The following CACNB2 variants were observed in gnomAD, a reference collection of about 807,000 sequenced individuals.
CACNB2 encodes voltage-dependent L-type calcium channel subunit beta-2.
Under a neutral mutation model 73.3 loss-of-function variants are expected in CACNB2, and 42 were observed. The observed-to-expected ratio is 0.57, with a 90% CI of 0.45 to 0.74. CACNB2 has a LOEUF of 0.74. Among genes scored for constraint, CACNB2 ranks in the 30% least tolerant of loss-of-function variants. CACNB2 has a pLI of 0.00. For missense variants in CACNB2, 940 were observed against 853.0 expected (o/e 1.10, Z -1.27); for synonymous variants, 348 against 310.3 (o/e 1.12, Z -1.28).
chr10:18,528,451 T>G (rs1025636032), intron 10 of CACNB2, among the ~76,000 whole-genome samples: 21 of 152,176 alleles, frequency 1.4e-4, no homozygotes, highest in African/African-American at 4.8e-4. Context: ...AGGTTTCTGT[T>G]TTTATAAAGT....
At chr10:18,153,302 G>T (rs548927747) in intron 2 of CACNB2, among the ~76,000 whole-genome samples, 2 of 152,074 alleles carry the variant, frequency 1.3e-5, no homozygotes, top group Non-Finnish European at 2.9e-5. Context: ...TTACACAGGC[G>T]TATCATTGAA....
chr10:18,369,615 G>A (rs2042493545), intron 2 of CACNB2, among the ~76,000 whole-genome samples: 1 of 152,078 alleles, frequency 6.6e-6, no homozygotes, highest in South Asian at 2.1e-4. Context: ...GTGGACAAAA[G>A]GGATAAGAGG....
chr10:18,344,080 A>G (rs1015102812), intron 2 of CACNB2, among the ~76,000 whole-genome samples: 9 of 151,988 alleles, frequency 5.9e-5, no homozygotes, highest in East Asian at 5.8e-4. Flanking sequence ...AAAAAAAAAA[A>G]AAAGAAAGTT....
chr10:18,180,292 A>G (rs1307882592), intron 2 of CACNB2, among the ~76,000 whole-genome samples: 1 of 152,114 alleles, frequency 6.6e-6, no homozygotes, highest in Non-Finnish European at 1.5e-5. Context: ...AGAGCCTGTG[A>G]TGGGGCCATC....
chr10:18,261,254 G>C (rs1309284175), intron 2 of CACNB2: 3 of 1,551,058 alleles, frequency 1.9e-6, no homozygotes, highest in Non-Finnish European at 2.6e-6. Flanking sequence ...CGCTGACTGC[G>C]TTCTGCCCCC....
intron 2 of CACNB2, among the ~76,000 whole-genome samples, chr10:18,267,409 C>G (rs1338790120): frequency 6.6e-6 from 1 of 152,056 alleles, no homozygotes; most frequent in Non-Finnish European, 1.5e-5. Flanking sequence ...ATTTCAAGAC[C>G]AGCCTGGCCA....
At chr10:18,388,321 T>C (rs528780240) in intron 2 of CACNB2, among the ~76,000 whole-genome samples, 1 of 152,330 alleles carries the variant, frequency 6.6e-6, no homozygotes, top group South Asian at 2.1e-4. Context: ...ATATTATATA[T>C]CTGTGGCACA....
intron 2 of CACNB2, among the ~76,000 whole-genome samples, chr10:18,245,329 T>C (rs1479529999): frequency 6.6e-6 from 1 of 152,014 alleles, no homozygotes; most frequent in South Asian, 2.1e-4. Context: ...ATTTTTTTGT[T>C]CTTATTCGAG....
intron 3 of CACNB2, among the ~76,000 whole-genome samples, chr10:18,474,528 C>T (rs1373741361): frequency 1.3e-5 from 2 of 152,140 alleles, no homozygotes. Flanking sequence ...GCCAATTCCC[C>T]AACTGTTTTC....
Position 18,539,506 on chromosome 10 carries a change from A to G in CACNB2, c.1765A>G (p.Asn589Asp). Residue 589 changes from asparagine to aspartate, a missense_variant, in exon 14 of 14, where the codon AAC becomes GAC. By Grantham distance (23) the Asn-to-Asp change is conservative. Transcript: ENST00000324631. ...CCACTATGCCTCACACCGTGACCAC[A>G]ACCACAGAGACGAGACCCACGGGAG... is the stretch of plus-strand genomic sequence containing the variant. ...VDHYASHRDH[N>D]HRDETHGSSD... 6.2e-7 allele frequency: 1 copy of G among 1,614,022 alleles called. No homozygotes were observed. The highest frequency in any genetic ancestry group is 2.2e-5 in the East Asian group (1 of 44,852).
At position 18,343,283 on chromosome 10, in the gene CACNB2, A is replaced by G. The variant is rs373342511; in HGVS notation, c.214-58641A>G. ...TATCCTTTCTTCCCTTCCTCCAAAT[A>G]ACAATGATCTCTCTGATTTGGGCAG... On this transcript the variant is annotated intron_variant, in intron 2 of 13. Transcript: ENST00000324631. Among the ~76,000 whole-genome samples the G allele has an allele frequency of 1.1e-4, 17 of 152,198 alleles. No individual in the cohort carries two copies. The South Asian group carries it at 1.5e-3, about 13-fold the overall frequency.
chr10:18,220,233 A>G (rs1486952086), intron 2 of CACNB2, among the ~76,000 whole-genome samples: 490 of 27,076 alleles, frequency 0.018, 16 homozygotes, highest in African/African-American at 0.07. Flanking sequence ...ATATATATAT[A>G]GAGAGAGAGA....
At chr10:18,335,428 A>C (rs1293102098) in intron 2 of CACNB2, among the ~76,000 whole-genome samples, 2 of 152,108 alleles carry the variant, frequency 1.3e-5, no homozygotes, top group Non-Finnish European at 2.9e-5. Flanking sequence ...CAAGCAGACA[A>C]CAACAACAAA....
At chr10:18,320,422 T>C (rs1042177747) in intron 2 of CACNB2, among the ~76,000 whole-genome samples, 1 of 152,210 alleles carries the variant, frequency 6.6e-6, no homozygotes, top group Non-Finnish European at 1.5e-5. Flanking sequence ...TGAACATATA[T>C]TTAATGAATG....
intron 2 of CACNB2, among the ~76,000 whole-genome samples, chr10:18,180,156 C>A (rs953366523): frequency 3.4e-4 from 52 of 152,200 alleles, no homozygotes; most frequent in Middle Eastern, 3.4e-3. Context: ...GCCTCATTTG[C>A]CTTTTGCTCT....
At chr10:18,189,313 A>G (rs1201152058) in intron 2 of CACNB2, among the ~76,000 whole-genome samples, 2 of 152,200 alleles carry the variant, frequency 1.3e-5, no homozygotes, top group South Asian at 2.1e-4. Context: ...ATTCATATCA[A>G]TTGATGAGAA....
chr10:18,472,556 C>T (rs2048249351), intron 3 of CACNB2, among the ~76,000 whole-genome samples: 1 of 152,024 alleles, frequency 6.6e-6, no homozygotes, highest in African/African-American at 2.4e-5. Flanking sequence ...TTTTTCTACG[C>T]TTCTTGCCTA....
intron 2 of CACNB2, among the ~76,000 whole-genome samples, chr10:18,333,600 A>G (rs926447900): frequency 1.3e-5 from 2 of 152,190 alleles, no homozygotes; most frequent in African/African-American, 2.4e-5. Context: ...GTTATTTACC[A>G]AAAACACATG....
intron 2 of CACNB2, among the ~76,000 whole-genome samples, chr10:18,252,973 C>A (rs2037146234): frequency 6.6e-6 from 1 of 152,212 alleles, no homozygotes; most frequent in African/African-American, 2.4e-5. Context: ...AATTAATTTT[C>A]ACCTTTCAAA....
Sources: gnomAD v4.1 joint callset for allele counts (sites outside exome capture counted in the v4.1 genomes callset) on GRCh38, gnomAD v4.1.1 for gene constraint, MANE v1.5 for transcripts, NCBI Gene and HGNC (gene_info 2026-07-23, HGNC 2026-07-21) for gene names.